The following LPCAT2 variants were observed in gnomAD, a reference collection of about 807,000 sequenced individuals.
LPCAT2 encodes the protein lysophosphatidylcholine acyltransferase 2.
LPCAT2 carries 58 observed loss-of-function variants against 64.7 expected under a neutral mutation model. That is an observed-to-expected ratio of 0.90 (90% CI 0.73 to 1.12). The LOEUF (loss-of-function observed/expected upper bound fraction) is 1.12, where lower values mean the gene tolerates loss of function less well. Among genes scored for constraint, LPCAT2 ranks in the 50% most tolerant of loss-of-function variants. The pLI is 0.00. For synonymous variants in LPCAT2, 252 were observed against 245.3 expected (o/e 1.03, Z -0.26); for missense variants, 579 against 669.8 (o/e 0.86, Z 1.50).
chr16:55,577,735 C>T (rs937362401), intron 12 of LPCAT2, among the ~76,000 whole-genome samples: 3 of 151,962 alleles, frequency 2.0e-5, no homozygotes, highest in African/African-American at 7.3e-5. Flanking sequence ...TGCCTTTTCC[C>T]CTCCTCCTAA....
chr16:55,530,003 T>C (rs1963231322), intron 4 of LPCAT2, 56 bp downstream of exon 4: 2 of 1,293,258 alleles, frequency 1.5e-6, no homozygotes, highest in Admixed American at 4.1e-5. Flanking sequence ...ATTGTATGTA[T>C]GTAGACTTAC....
At position 55,528,496 on chromosome 16, in the gene LPCAT2, C is replaced by T. The variant is rs1372229052; in HGVS notation, c.431C>T (p.Ala144Val). 6.2e-7 allele frequency: 1 copy of T among 1,613,980 alleles called. No individual in the cohort carries two copies. Among genetic ancestry groups the T allele is most frequent in the Non-Finnish European group, 8.5e-7 (1 of 1,179,936 alleles). ...SPLEAPVFVA[A>V]PHSTFFDGIA... ...TTGGAAGCACCAGTTTTTGTTGCTG[C>T]CCCTCATTCAACATTCTTTGATGGA... is the stretch of plus-strand genomic sequence containing the variant. Residue 144 changes from alanine to valine, a missense_variant, in exon 3 of 14, where the codon GCC (alanine) becomes GTC (valine). By Grantham distance (64) the Ala-to-Val change is moderately conservative. Transcript: ENST00000262134.
At chr16:55,534,072 T>C (rs1284467319) in intron 6 of LPCAT2, among the ~76,000 whole-genome samples, 1 of 152,202 alleles carries the variant, frequency 6.6e-6, no homozygotes. Flanking sequence ...GTTCATATTA[T>C]TTTATTTCCC....
intron 8 of LPCAT2, among the ~76,000 whole-genome samples, chr16:55,542,288 T>A (rs1313161564): frequency 7.2e-5 from 11 of 152,132 alleles, no homozygotes; most frequent in African/African-American, 2.7e-4. Flanking sequence ...CTCCTCCTCA[T>A]CTGGGACAGG....
intron 8 of LPCAT2, among the ~76,000 whole-genome samples, chr16:55,543,976 G>T (rs2142393620): frequency 1.3e-5 from 2 of 152,240 alleles, no homozygotes; most frequent in African/African-American, 4.8e-5. Flanking sequence ...ATCTTAAAAA[G>T]GCAACTTGCA....
chr16:55,548,419 C>T (rs1431533688), intron 9 of LPCAT2, among the ~76,000 whole-genome samples: 1 of 152,102 alleles, frequency 6.6e-6, no homozygotes, highest in Non-Finnish European at 1.5e-5. Context: ...TGCTATGTAG[C>T]AAGAAGGTGA....
Position 55,583,110 on chromosome 16 carries a change from C to T in LPCAT2, c.*12C>T, listed in dbSNP as rs773778470. On this transcript the variant is annotated 3_prime_UTR_variant, in exon 14 of 14. Transcript: ENST00000262134. ...AAAAAGATGACTGAAAGCAGTATTT[C>T]CAATAAGGAAAACACAGTAGCTTTT... 2 of 1,604,534 alleles carry T rather than the reference C, an allele frequency of 1.2e-6. No homozygotes were observed. The highest frequency in any genetic ancestry group is 1.7e-6 in the Non-Finnish European group (2 of 1,173,872).
intron 13 of LPCAT2, among the ~76,000 whole-genome samples, chr16:55,581,354 A>G (rs1355444387): frequency 6.6e-6 from 1 of 152,248 alleles, no homozygotes; most frequent in East Asian, 1.9e-4. Flanking sequence ...TGGAAGTTAA[A>G]AAAGAACAGT....
At chr16:55,572,280 C>T (rs752882176) in intron 11 of LPCAT2, among the ~76,000 whole-genome samples, 3 of 152,132 alleles carry the variant, frequency 2.0e-5, no homozygotes, top group Non-Finnish European at 4.4e-5. Flanking sequence ...TAGATAAAAA[C>T]TGGATATCTC....
At chr16:55,574,435 T>C (rs1963804366) in intron 11 of LPCAT2, among the ~76,000 whole-genome samples, 196 bp from the exon 12 acceptor site, 1 of 152,260 alleles carries the variant, frequency 6.6e-6, no homozygotes, top group Non-Finnish European at 1.5e-5. Flanking sequence ...TATTTATTGC[T>C]GAACAGAAAA....
intron 11 of LPCAT2, among the ~76,000 whole-genome samples, chr16:55,571,006 A>G (rs1963763888): frequency 6.6e-6 from 1 of 152,218 alleles, no homozygotes; most frequent in Admixed American, 6.5e-5. Flanking sequence ...TTATTTTGAC[A>G]ACACTGATTA....
At chr16:55,561,482 A>G (rs1368096312) in intron 11 of LPCAT2, among the ~76,000 whole-genome samples, 1 of 151,712 alleles carries the variant, frequency 6.6e-6, no homozygotes, top group Non-Finnish European at 1.5e-5. Flanking sequence ...CAGAGGAGAA[A>G]AAGCTTGTTA....
In LPCAT2 at chr16:55,550,847, A is replaced by G. The variant is rs1963508177; in HGVS notation, c.1062-102A>G. 3 of 989,782 alleles carry G rather than the reference A, an allele frequency of 3.0e-6. No homozygotes were observed. In the South Asian group the frequency reaches 7.3e-5, roughly 24 times the overall value. 61.3% of individuals were successfully genotyped at this position (989,782 alleles called of 1,614,324 possible). On this transcript the variant is annotated intron_variant, in intron 10 of 13. Coordinates refer to ENST00000262134, the MANE Select transcript of LPCAT2 (RefSeq NM_017839.5). ...TCTCCTTTACAAATTTAACACTTAA[A>G]ATATTTTTCTCCCAGATACATTAAT...
At chr16:55,520,359 T>C (rs889967016) in intron 1 of LPCAT2, among the ~76,000 whole-genome samples, 6 of 152,018 alleles carry the variant, frequency 3.9e-5, no homozygotes, top group Non-Finnish European at 7.4e-5. Flanking sequence ...GTACGTAATA[T>C]CAGAACTTTG....
intron 11 of LPCAT2, among the ~76,000 whole-genome samples, chr16:55,556,744 T>C (rs1374734559): frequency 1.3e-5 from 2 of 151,974 alleles, no homozygotes; most frequent in Non-Finnish European, 2.9e-5. Context: ...CGAGACTCCG[T>C]CTCAAAAAAA....
intron 6 of LPCAT2, 86 bp from the exon 7 acceptor site, chr16:55,534,357 C>A: frequency 1.2e-6 from 1 of 801,098 alleles, no homozygotes; most frequent in Non-Finnish European, 2.1e-6. Flanking sequence ...AGAAAAAATA[C>A]ATGAATCCCC....
chr16:55,509,173 G>T lies in LPCAT2; in HGVS notation c.-9G>T, dbSNP rs757317646. On this transcript the variant is annotated 5_prime_UTR_variant, in exon 1 of 14. Coordinates refer to ENST00000262134, the MANE Select transcript of LPCAT2 (RefSeq NM_017839.5). The stretch of plus-strand genomic sequence containing the variant: ...ATCGCTTCGGCCGGGTTCTACGCCC[G>T]GCTCAACTATGAGCCGGTGCGCCCA... 3 of 1,344,990 alleles carry T rather than the reference G, an allele frequency of 2.2e-6. No homozygotes were observed. Among genetic ancestry groups the T allele is most frequent in the South Asian group, 1.9e-5 (1 of 52,902 alleles). The allele number at this position is 1,344,990 out of a possible 1,614,324, so 83.3% of individuals were successfully genotyped here. A position where few individuals can be genotyped will look rare whatever the true frequency, so the allele number is the denominator to read the frequency against.
At chr16:55,518,707 G>T (rs759730281) in intron 1 of LPCAT2, among the ~76,000 whole-genome samples, 6 of 152,130 alleles carry the variant, frequency 3.9e-5, no homozygotes, top group Non-Finnish European at 8.8e-5. Context: ...AAATGGTCTG[G>T]GACAATTGGA....
rs375443462 is a variant in LPCAT2 at position 55,586,547 on chromosome 16, C to CA, written c.*3449_*3450insA. On this transcript the variant is annotated 3_prime_UTR_variant, in exon 14 of 14. Transcript: ENST00000262134. Reference sequence around the variant, plus strand: ...CTTTTTTCAAAGTTTCTTACATTTTCCAATGTCATTAAAATTCTCTGTGAA... The same window carrying CA: ...CTTTTTTCAAAGTTTCTTACATTTTCACAATGTCATTAAAATTCTCTGTGAA... The CA allele has an allele frequency of 1.3e-5, 2 of 151,922 alleles. No individual in the cohort carries two copies. The highest frequency in any genetic ancestry group is 4.8e-5 in the African/African-American group (2 of 41,288). The allele number at this position is 151,922 out of a possible 1,614,324, so 9.4% of individuals were successfully genotyped here.
Sources: allele counts gnomAD v4.1 joint callset (sites outside exome capture counted in the v4.1 genomes callset), GRCh38; gene constraint gnomAD v4.1.1; transcripts MANE v1.5; gene names NCBI Gene and HGNC (gene_info 2026-07-23, HGNC 2026-07-21).